Variants in KDM4C observed in about 807,000 individuals in gnomAD.
KDM4C encodes the protein lysine-specific demethylase 4C.
KDM4C carries 81 observed loss-of-function variants against 129.3 expected under a neutral mutation model. That is an observed-to-expected ratio of 0.63 (90% CI 0.52 to 0.75). The LOEUF (loss-of-function observed/expected upper bound fraction) is 0.75, where lower values mean the gene tolerates loss of function less well. Ranked by LOEUF, KDM4C falls within the 30% of genes least tolerant of loss-of-function variation. The pLI is 0.00. For missense variants in KDM4C, 1,457 were observed against 1,304.0 expected (o/e 1.12, Z -1.81); for synonymous variants, 573 against 456.1 (o/e 1.26, Z -3.26).
At chr9:6,889,534 A>G (rs928854602) in intron 7 of KDM4C, among the ~76,000 whole-genome samples, 4 of 152,070 alleles carry the variant, frequency 2.6e-5, no homozygotes, top group Non-Finnish European at 5.9e-5. Flanking sequence ...AGGCTGTGCC[A>G]CTCAGAGGGG....
intron 19 of KDM4C, among the ~76,000 whole-genome samples, chr9:7,148,645 T>C (rs1842438256): frequency 6.6e-6 from 1 of 152,176 alleles, no homozygotes; most frequent in Non-Finnish European, 1.5e-5. Flanking sequence ...GGTCCCAAGT[T>C]CTTGTCCTGC....
At chr9:6,831,271 G>A (rs1834769542) in intron 4 of KDM4C, among the ~76,000 whole-genome samples, 1 of 152,146 alleles carries the variant, frequency 6.6e-6, no homozygotes, top group Non-Finnish European at 1.5e-5. Flanking sequence ...AAAATTTGAG[G>A]TAAGTAGCCT....
intron 1 of KDM4C, among the ~76,000 whole-genome samples, chr9:6,737,023 AC>A (rs1278864529): frequency 4.2e-5 from 6 of 144,250 alleles, no homozygotes; most frequent in African/African-American, 1.6e-4. Context: ...TACATTCCAG[AC>A]TGGGCGACAC....
intron 5 of KDM4C, among the ~76,000 whole-genome samples, chr9:6,874,267 A>G (rs1463886558): frequency 1.3e-5 from 2 of 152,224 alleles, no homozygotes; most frequent in East Asian, 1.9e-4. Flanking sequence ...TTAAAGCACA[A>G]CAAAGTGCAA....
intron 2 of KDM4C, among the ~76,000 whole-genome samples, chr9:6,794,011 A>G (rs890696331): frequency 9.2e-5 from 14 of 152,326 alleles, no homozygotes; most frequent in African/African-American, 3.4e-4. Flanking sequence ...AAGAAACTTC[A>G]TATGCATTAA....
At chr9:6,901,779 A>C (rs575833838) in intron 8 of KDM4C, among the ~76,000 whole-genome samples, 1 of 152,350 alleles carries the variant, frequency 6.6e-6, no homozygotes, top group South Asian at 2.1e-4. Context: ...CTGATACCTC[A>C]TTTCGTGACA....
At chr9:7,156,870 T>C (rs1181826092) in intron 19 of KDM4C, among the ~76,000 whole-genome samples, 3 of 152,236 alleles carry the variant, frequency 2.0e-5, no homozygotes, top group Non-Finnish European at 4.4e-5. Flanking sequence ...TTTAAAGTAG[T>C]TTTTTCCAAT....
chr9:7,004,794 T>C (rs1348531670), intron 12 of KDM4C, among the ~76,000 whole-genome samples: 2 of 152,218 alleles, frequency 1.3e-5, no homozygotes, highest in Non-Finnish European at 2.9e-5. Context: ...TCTGTTCTAA[T>C]CTGTGTTGTC....
Position 6,758,724 on chromosome 9 carries a change from G to C in KDM4C, c.-18+521G>C, listed in dbSNP as rs1440321361. On this transcript the variant is annotated intron_variant, in intron 1 of 21. Transcript: ENST00000381309. The surrounding 1 kb of genome is among the most constrained non-coding windows in gnomAD (Gnocchi z 4.6). ...CTTCAGCCCTCGCGGCTGTCCTTTT[G>C]GTGTTTCTTTCCCCCGGCATGGGGC... Among the ~76,000 whole-genome samples the C allele has an allele frequency of 1.3e-5, 2 of 152,228 alleles. No individual in the cohort carries two copies. The highest frequency in any genetic ancestry group is 2.4e-5 in the African/African-American group (1 of 41,462).
intron 5 of KDM4C, among the ~76,000 whole-genome samples, chr9:6,850,507 G>A (rs921242106): frequency 1.3e-5 from 2 of 151,848 alleles, no homozygotes; most frequent in Admixed American, 6.6e-5. Flanking sequence ...GTGCAGTGGC[G>A]CGATCTTGGC....
At chr9:6,761,947 C>T (rs1819625873) in intron 1 of KDM4C, among the ~76,000 whole-genome samples, 1 of 152,020 alleles carries the variant, frequency 6.6e-6, no homozygotes, top group Non-Finnish European at 1.5e-5. Flanking sequence ...GCTGGGATTA[C>T]AGGCACGCCC....
intron 3 of KDM4C, among the ~76,000 whole-genome samples, chr9:6,812,311 G>A (rs1378277471): frequency 1.3e-5 from 2 of 152,110 alleles, no homozygotes; most frequent in Non-Finnish European, 2.9e-5. Context: ...GCAGATTAGG[G>A]CTTCAGTTTC....
intron 1 of KDM4C, among the ~76,000 whole-genome samples, chr9:6,771,334 CAG>C (rs1289917256): frequency 1.3e-5 from 2 of 151,314 alleles, no homozygotes; most frequent in East Asian, 2.0e-4. Context: ...TTTTTTGAGA[CAG>C]AGTCTTGCTC....
chr9:7,018,660 G>T (rs1824121790), intron 15 of KDM4C, among the ~76,000 whole-genome samples: 1 of 152,222 alleles, frequency 6.6e-6, no homozygotes, highest in Non-Finnish European at 1.5e-5. Context: ...CTCACACACT[G>T]AGCAGTCCTG....
At chr9:6,952,218 A>T (rs1828276914) in intron 8 of KDM4C, among the ~76,000 whole-genome samples, 1 of 152,028 alleles carries the variant, frequency 6.6e-6, no homozygotes, top group South Asian at 2.1e-4. Flanking sequence ...GGTATATGTA[A>T]AGATGTTTAA....
intron 7 of KDM4C, among the ~76,000 whole-genome samples, chr9:6,890,255 C>G (rs539070642): frequency 3.3e-5 from 5 of 152,330 alleles, no homozygotes; most frequent in African/African-American, 1.2e-4. Context: ...TCTTTCCGAG[C>G]TTTAGTTTCT....
In KDM4C at chr9:6,837,081, AGG is replaced by A. The variant is rs760808467; in HGVS notation, c.436-12424_436-12423del. On this transcript the variant is annotated intron_variant, in intron 4 of 21. Coordinates refer to ENST00000381309, the MANE Select transcript of KDM4C (RefSeq NM_015061.6). Reference sequence around the variant, plus strand: ...TATATCATTTTTGTTTTTTTAAGACAGGGTCTTGCCCTGTCAACCAGGCTGGA... The same window carrying A: ...TATATCATTTTTGTTTTTTTAAGACAGTCTTGCCCTGTCAACCAGGCTGGA... 3.9e-5 allele frequency among the ~76,000 whole-genome samples: 6 copies of A among 152,274 alleles called. No individual in the cohort carries two copies. In the South Asian group the frequency reaches 1.2e-3, roughly 32 times the overall value.
chr9:6,759,149 C>T (rs1428714541), intron 1 of KDM4C, among the ~76,000 whole-genome samples: 1 of 152,146 alleles, frequency 6.6e-6, no homozygotes. Flanking sequence ...TTATAAAGCA[C>T]TGTTCGGAAA....
chr9:6,988,468 A>G (rs1395090685), intron 11 of KDM4C, among the ~76,000 whole-genome samples: 1 of 151,592 alleles, frequency 6.6e-6, no homozygotes, highest in Non-Finnish European at 1.5e-5. Flanking sequence ...GCTTGCCTGT[A>G]AGAACAACTG....
Sources: gnomAD v4.1 joint callset for allele counts (sites outside exome capture counted in the v4.1 genomes callset) on GRCh38, gnomAD v4.1.1 for gene constraint, Gnocchi (gnomAD v3.1) non-coding constraint, MANE v1.5 for transcripts, NCBI Gene and HGNC (gene_info 2026-07-23, HGNC 2026-07-21) for gene names.